The following CYLD variants were observed in gnomAD, a reference collection of about 807,000 sequenced individuals.
CYLD encodes CYLD lysine 63 deubiquitinase, also known as ubiquitin carboxyl-terminal hydrolase CYLD.
CYLD carries 26 observed loss-of-function variants against 104.5 expected under a neutral mutation model. The ratio of observed to expected loss-of-function variants is 0.25; its 90% CI spans 0.18 to 0.35. The LOEUF (loss-of-function observed/expected upper bound fraction) is 0.35. Among genes scored for constraint, CYLD ranks in the 10% least tolerant of loss-of-function variants. CYLD has a pLI of 1.00. For missense variants in CYLD, 703 were observed against 1,136.1 expected, an observed-to-expected ratio of 0.62 and a Z score of 5.48; for synonymous variants, 385 against 399.9, an observed-to-expected ratio of 0.96 and a Z score of 0.45.
rs1036112716 is a variant in CYLD at position 50,796,602 on chromosome 16, A to G, written c.*94A>G. ...AGTTCTGTTCACGTCCATTGCCGGC[A>G]ATGGATGTCTTTGTGGTGATGATCC... On this transcript the variant is annotated 3_prime_UTR_variant, in exon 19 of 19. Transcript: ENST00000427738. 2.4e-6 allele frequency: 3 copies of G among 1,267,578 alleles called. No individual in the cohort carries two copies. The highest frequency in any genetic ancestry group is 3.4e-5 in the Admixed American group (2 of 58,938). The allele number at this position is 1,267,578 out of a possible 1,614,324, so 78.5% of individuals were successfully genotyped here. A position where few individuals can be genotyped will look rare whatever the true frequency, so the allele number is the denominator to read the frequency against.
chr16:50,770,450 TTTC>T (rs1969019692), intron 5 of CYLD, among the ~76,000 whole-genome samples: 1 of 151,842 alleles, frequency 6.6e-6, no homozygotes, highest in East Asian at 1.9e-4. Flanking sequence ...TTTTTCTTTC[TTTC>T]TTTTTTTTTT....
rs947226525 is a variant in CYLD at position 50,801,438 on chromosome 16, C to A, written c.*4930C>A. ...GCCACAAATGGAGGGATTGTCCTTT[C>A]AAGCACCACAGCTTCAGATAAAATT... On this transcript the variant is annotated 3_prime_UTR_variant, in exon 19 of 19. Transcript: ENST00000427738. 3 of 233,754 alleles carry A rather than the reference C, an allele frequency of 1.3e-5. No homozygotes were observed. The highest frequency in any genetic ancestry group is 1.7e-5 in the Non-Finnish European group (2 of 118,066). 14.5% of individuals were successfully genotyped at this position (233,754 alleles called of 1,614,324 possible).
At position 50,775,168 on chromosome 16, in the gene CYLD, T is replaced by A; in HGVS notation, c.916T>A (p.Leu306Ile). 6.3e-7 allele frequency: 1 copy of A among 1,597,440 alleles called. No individual in the cohort carries two copies. ...LLHINDIIPALSESVTQERRP... is the reference protein window; with the variant it reads ...LLHINDIIPAISESVTQERRP... ...ATATCGTTTTTGCTGACACACAGCT[T>A]TATCAGGTATGACTCCTAAGTGTCG... The change falls in exon 6 of 19, where the codon TTA (leucine) becomes ATA (isoleucine). Residue 306 changes from leucine to isoleucine, a missense_variant and splice_region_variant. Around this residue, in one of 5 missense-constraint regions of CYLD, gnomAD observed 123 missense variants for 213.3 expected, o/e 0.58. Coordinates refer to ENST00000427738, the MANE Select transcript of CYLD (RefSeq NM_001378743.1).
chr16:50,755,600 G>T (rs1967138334), intron 5 of CYLD, among the ~76,000 whole-genome samples: 1 of 152,066 alleles, frequency 6.6e-6, no homozygotes, highest in Non-Finnish European at 1.5e-5. Context: ...TCACATTGTG[G>T]TTTCGATTTG....
In CYLD at chr16:50,760,257, G is replaced by A. The variant is rs887945613; in HGVS notation, c.913+5833G>A. On this transcript the variant is annotated intron_variant, in intron 5 of 18. Coordinates refer to ENST00000427738, the MANE Select transcript of CYLD (RefSeq NM_001378743.1). ...TCACACATATAATGACATACATATG[G>A]ATTTATTTGGGTTCTAACTAATATA... 2.6e-5 allele frequency among the ~76,000 whole-genome samples: 4 copies of A among 152,040 alleles called. No individual in the cohort carries two copies. The East Asian group carries it at 7.7e-4, about 29-fold the overall frequency.
rs1966467862 is a variant in CYLD, at chr16:50,749,738, C to G, written c.40C>G (p.Pro14Ala). ...GLWSQEKVTS[P>A]YWEERIFYLL... ...ATGGAGCCAAGAAAAAGTCACTTCA[C>G]CCTACTGGGAAGAGCGGATTTTTTA... The change falls in exon 3 of 19, where the codon CCC (proline) becomes GCC (alanine). Residue 14 changes from proline (P) to alanine (A), a missense_variant. Around this residue, in one of 5 missense-constraint regions of CYLD, gnomAD observed 142 missense variants for 165.1 expected, o/e 0.86. Transcript: ENST00000427738. The G allele has an allele frequency of 3.1e-6, 5 of 1,613,840 alleles. No individual in the cohort carries two copies. Among genetic ancestry groups the G allele is most frequent in the Non-Finnish European group, 4.2e-6 (5 of 1,179,972 alleles).
At chr16:50,751,394 T>G (rs911579438) in intron 3 of CYLD, among the ~76,000 whole-genome samples, 13 of 152,228 alleles carry the variant, frequency 8.5e-5, no homozygotes, top group African/African-American at 1.9e-4. Flanking sequence ...GAATTGAAAT[T>G]ATCAGATAAT....
chr16:50,748,819 A>G (rs1315832188), intron 2 of CYLD, among the ~76,000 whole-genome samples: 1 of 152,210 alleles, frequency 6.6e-6, no homozygotes, highest in Non-Finnish European at 1.5e-5. Flanking sequence ...AAAATGTTCC[A>G]TTATCACAAT....
intron 14 of CYLD, among the ~76,000 whole-genome samples, chr16:50,790,476 T>G (rs1227078796): frequency 2.6e-5 from 4 of 152,174 alleles, no homozygotes; most frequent in Admixed American, 6.5e-5. Context: ...AAACTGTTAA[T>G]TTTCTATGCT....
rs957467693 is a variant in CYLD, at chr16:50,745,163, A to G, written c.-124+2322A>G. Among the ~76,000 whole-genome samples, 5 of 152,288 alleles carry G rather than the reference A, an allele frequency of 3.3e-5. No homozygotes were observed. The East Asian group carries it at 7.7e-4, about 23-fold the overall frequency. ...TCAAAGTGATTCAACCTGCAAAATA[A>G]TAAGAGAATACAAGTGAAAATTTCT... On this transcript the variant is annotated intron_variant, in intron 2 of 18. Transcript: ENST00000427738.
rs183969907 is a variant in CYLD at position 50,749,259 on chromosome 16, C to T, written c.-123-317C>T. On this transcript the variant is annotated intron_variant, in intron 2 of 18. Coordinates refer to ENST00000427738, the MANE Select transcript of CYLD (RefSeq NM_001378743.1). The stretch of plus-strand genomic sequence containing the variant: ...GTTAGAATATGTATATAAGGGTAAT[C>T]TTTAAAAGTTTTTACTAGAATCTGA... 4.8e-3 allele frequency among the ~76,000 whole-genome samples: 736 copies of T among 152,226 alleles called. 4 individuals are homozygous for T. The highest frequency in any genetic ancestry group is 8.1e-3 in the Non-Finnish European group (552 of 68,004).
chr16:50,785,550 A>G (rs1597068899), intron 12 of CYLD: 1 of 152,238 alleles, frequency 6.6e-6, no homozygotes, highest in African/African-American at 2.4e-5. Context: ...TCCCCCAAGT[A>G]ATTGATACTG....
intron 6 of CYLD, 104 bp from the exon 7 acceptor site, chr16:50,776,075 G>A (rs367957040): frequency 6.1e-6 from 5 of 813,402 alleles, no homozygotes; most frequent in African/African-American, 5.1e-5. Context: ...TAAAAATTCT[G>A]CCTTTTTGTG....
At chr16:50,749,246 A>G (rs1966437590) in intron 2 of CYLD, among the ~76,000 whole-genome samples, 1 of 152,198 alleles carries the variant, frequency 6.6e-6, no homozygotes, top group Admixed American at 6.5e-5. Flanking sequence ...TAGAATATGT[A>G]TATAAGGGTA....
At chr16:50,786,760 T>C (rs1970874447) in intron 12 of CYLD, 95 bp from the exon 13 acceptor site, 1 of 904,752 alleles carries the variant, frequency 1.1e-6, no homozygotes, top group East Asian at 2.7e-5. Flanking sequence ...AGACTCTATC[T>C]CAAAAAAAAA....
intron 1 of CYLD, 28 bp downstream of exon 1, chr16:50,742,152 AGCCGGG>A (rs893061528): frequency 6.6e-6 from 1 of 151,474 alleles, no homozygotes; most frequent in African/African-American, 2.4e-5. Flanking sequence ...GGGTGTGGGG[AGCCGGG>A]GCCGGCCCGG....
At chr16:50,745,409 C>T (rs1353450718) in intron 2 of CYLD, among the ~76,000 whole-genome samples, 1 of 142,442 alleles carries the variant, frequency 7.0e-6, no homozygotes, top group African/African-American at 2.8e-5. Flanking sequence ...GCTCTGTCAC[C>T]CAGGCTGGAG....
Position 50,800,688 on chromosome 16 carries a change from T to C in CYLD, c.*4180T>C, listed in dbSNP as rs1972392423. 4.3e-6 allele frequency: 1 copy of C among 232,588 alleles called. No individual in the cohort carries two copies. The highest frequency in any genetic ancestry group is 8.5e-6 in the Non-Finnish European group (1 of 117,744). 14.4% of individuals were successfully genotyped at this position (232,588 alleles called of 1,614,324 possible). ...CATTATTTCTTACCATTTGCTACTT[T>C]ATAATGAAAATTTAAAAATTATATG... On this transcript the variant is annotated 3_prime_UTR_variant, in exon 19 of 19. Coordinates refer to ENST00000427738, the MANE Select transcript of CYLD (RefSeq NM_001378743.1).
intron 9 of CYLD, 88 bp downstream of exon 9, chr16:50,780,132 G>T: frequency 6.8e-7 from 1 of 1,463,268 alleles, no homozygotes; most frequent in Non-Finnish European, 9.5e-7. Flanking sequence ...TTGACAAACT[G>T]TTATATTTGT....
Sources: gnomAD v4.1 joint callset for allele counts (sites outside exome capture counted in the v4.1 genomes callset) on GRCh38, gnomAD v4.1.1 for gene constraint, gnomAD v4.1.1 regional missense constraint, MANE v1.5 for transcripts, NCBI Gene and HGNC (gene_info 2026-07-23, HGNC 2026-07-21) for gene names.